Variants in TTC6 observed in about 807,000 individuals in gnomAD.
The protein encoded by TTC6 is tetratricopeptide repeat protein 6.
TTC6 carries 172 observed loss-of-function variants against 210.4 expected under a neutral mutation model. The observed-to-expected ratio is 0.82, with a 90% CI of 0.72 to 0.93. TTC6 has a LOEUF of 0.93. Among genes scored for constraint, TTC6 ranks in the 40% least tolerant of loss-of-function variants. TTC6 has a pLI of 0.00. For synonymous variants in TTC6, 804 were observed against 819.6 expected, an observed-to-expected ratio of 0.98 and a Z score of 0.32; for missense variants, 2,414 against 2,318.1, an observed-to-expected ratio of 1.04 and a Z score of -0.85.
chr14:37,731,016 C>A (rs911732885), intron 7 of TTC6, among the ~76,000 whole-genome samples: 1 of 152,224 alleles, frequency 6.6e-6, no homozygotes, highest in Non-Finnish European at 1.5e-5. Context: ...GGTACAGATA[C>A]AATAAACATG....
intron 14 of TTC6, among the ~76,000 whole-genome samples, chr14:37,781,891 C>T (rs1370155668): frequency 6.6e-6 from 1 of 152,156 alleles, no homozygotes; most frequent in Non-Finnish European, 1.5e-5. Flanking sequence ...GGAATCCTTT[C>T]CCCATTGCTT....
intron 1 of TTC6, among the ~76,000 whole-genome samples, chr14:37,635,688 A>G (rs1282317907): frequency 6.6e-6 from 1 of 152,172 alleles, no homozygotes; most frequent in South Asian, 2.1e-4. Context: ...AAAGAAAATT[A>G]CCAGAGATGG....
In TTC6 at chr14:37,818,179, A is replaced by G. The variant is rs552380317; in HGVS notation, c.4763+528A>G. On this transcript the variant is annotated intron_variant, in intron 26 of 30. Coordinates refer to ENST00000553443, the Ensembl canonical transcript of TTC6. Reference sequence around the variant, plus strand: ...TATAAAAAACACAATACGTAAAGCAAAATCACTTCTTCCTGGGTTTATTAT... The same window carrying G: ...TATAAAAAACACAATACGTAAAGCAGAATCACTTCTTCCTGGGTTTATTAT... Among the ~76,000 whole-genome samples the G allele has an allele frequency of 2.4e-4, 37 of 152,250 alleles. No individual in the cohort carries two copies. The South Asian group carries it at 7.7e-3, about 32-fold the overall frequency.
At chr14:37,784,717 C>T (rs1037114175) in intron 14 of TTC6, among the ~76,000 whole-genome samples, 6 of 152,242 alleles carry the variant, frequency 3.9e-5, no homozygotes, top group Middle Eastern at 3.4e-3. Flanking sequence ...TTCCTAGCAT[C>T]GATGGTCTTT....
intron 1 of TTC6, among the ~76,000 whole-genome samples, chr14:37,652,926 T>A (rs755643474): frequency 2.0e-5 from 3 of 152,244 alleles, no homozygotes; most frequent in Non-Finnish European, 2.9e-5. Flanking sequence ...AGTAGCTGCT[T>A]TTTCCTATAC....
intron 14 of TTC6, among the ~76,000 whole-genome samples, chr14:37,763,045 C>T (rs985351970): frequency 1.4e-4 from 19 of 138,906 alleles, no homozygotes; most frequent in Non-Finnish European, 2.4e-4. Flanking sequence ...CCACCACACC[C>T]GCCTAATTTT....
rs73263333 is a variant in TTC6, at chr14:37,650,688, G to T, written c.939+27685G>T. Among the ~76,000 whole-genome samples the T allele has an allele frequency of 2.6e-3, 393 of 152,272 alleles. 1 individual carries two copies. Among genetic ancestry groups the T allele is most frequent in the African/African-American group, 8.4e-3 (350 of 41,566 alleles). On this transcript the variant is annotated intron_variant, in intron 1 of 30. Coordinates refer to ENST00000553443, the Ensembl canonical transcript of TTC6. ...CAGGTCGTTGGATGACTGCACACTGGATAGGTGAATAATAACAGCTTGCTT... is the reference window on the plus strand; with the variant it reads ...CAGGTCGTTGGATGACTGCACACTGTATAGGTGAATAATAACAGCTTGCTT...
intron 1 of TTC6, among the ~76,000 whole-genome samples, chr14:37,602,686 A>G (rs1193902968): frequency 6.6e-6 from 1 of 152,070 alleles, no homozygotes; most frequent in African/African-American, 2.4e-5. Flanking sequence ...CTGCACCCCA[A>G]CCTTCCTGCT....
At chr14:37,835,495 T>G (rs975393374) in intron 29 of TTC6, among the ~76,000 whole-genome samples, 1 of 152,100 alleles carries the variant, frequency 6.6e-6, no homozygotes, top group Non-Finnish European at 1.5e-5. Flanking sequence ...ATGTGGCCCT[T>G]GATGGGAGCA....
chr14:37,821,029 T>TTCTTCTTCTTCTTCTTCC (rs2096155444), intron 26 of TTC6, among the ~76,000 whole-genome samples: 1 of 3,654 alleles, frequency 2.7e-4, no homozygotes, highest in Admixed American at 3.6e-3. Context: ...CTTCCTCTTC[T>TTCTTCTTCTTCTTCTTCC]TCTTCTTCTT....
intron 7 of TTC6, among the ~76,000 whole-genome samples, chr14:37,725,312 GTATATATATATATATATATATATATA>G (rs1169644241): frequency 0.039 from 1,322 of 33,960 alleles, 68 homozygotes; most frequent in African/African-American, 0.13. Flanking sequence ...GTGTGTGTGT[GTATATATATATATATATATATATATA>G]TATATATATA....
chr14:37,783,461 G>A (rs2096060263), intron 14 of TTC6, among the ~76,000 whole-genome samples: 1 of 152,170 alleles, frequency 6.6e-6, no homozygotes, highest in African/African-American at 2.4e-5. Context: ...GTATCTCTGT[G>A]GGATTGGTGG....
At chr14:37,760,776 T>C (rs1287599458) in intron 14 of TTC6, among the ~76,000 whole-genome samples, 1 of 151,990 alleles carries the variant, frequency 6.6e-6, no homozygotes, top group African/African-American at 2.4e-5. Context: ...TGTGGTGAAT[T>C]CCCCCCAGTC....
At chr14:37,690,762 C>T (rs1017015109) in intron 3 of TTC6, among the ~76,000 whole-genome samples, 3 of 151,768 alleles carry the variant, frequency 2.0e-5, no homozygotes, top group Admixed American at 2.0e-4. Flanking sequence ...AGGGAGACTC[C>T]AATACAATAG....
chr14:37,801,393 C>T (rs190083315), intron 20 of TTC6, among the ~76,000 whole-genome samples: 1 of 152,200 alleles, frequency 6.6e-6, no homozygotes, highest in Admixed American at 6.5e-5. Flanking sequence ...TACTGGGGGC[C>T]AGATCATTAG....
intron 4 of TTC6, among the ~76,000 whole-genome samples, chr14:37,699,250 C>A (rs946789334): frequency 2.0e-5 from 3 of 152,278 alleles, no homozygotes; most frequent in Non-Finnish European, 2.9e-5. Flanking sequence ...CAGATGTAGC[C>A]CTATGATTTG....
chr14:37,782,658 C>T (rs934585169), intron 14 of TTC6, among the ~76,000 whole-genome samples: 1 of 152,124 alleles, frequency 6.6e-6, no homozygotes, highest in African/African-American at 2.4e-5. Flanking sequence ...GAACTTCCAA[C>T]ACTATGTTGA....
chr14:37,663,182 T>C (rs1595076542), intron 1 of TTC6, among the ~76,000 whole-genome samples: 1 of 152,300 alleles, frequency 6.6e-6, no homozygotes, highest in Non-Finnish European at 1.5e-5. Context: ...ATTGCATTCC[T>C]GGCTTATTTC....
chr14:37,612,698 TG>T (rs1351403688), intron 2 of TTC6, among the ~76,000 whole-genome samples: 4 of 152,228 alleles, frequency 2.6e-5, no homozygotes, highest in Non-Finnish European at 1.5e-5. Context: ...GTAGAGATTT[TG>T]GACATTTTTT....
Sources: gnomAD v4.1 joint callset for allele counts (sites outside exome capture counted in the v4.1 genomes callset) on GRCh38, gnomAD v4.1.1 for gene constraint, MANE v1.5 for transcripts, NCBI Gene and HGNC (gene_info 2026-07-23, HGNC 2026-07-21) for gene names.